Variants in GALNT18 observed in about 807,000 individuals in gnomAD.
The protein encoded by GALNT18 is GalNAc-transferase 18.
In GALNT18, 44 loss-of-function variants were observed where a neutral mutation model predicts 69.5. The observed-to-expected ratio is 0.63, with a 90% CI of 0.50 to 0.81. The LOEUF is 0.81. GALNT18 is among the 40% of genes least tolerant of loss of function. GALNT18 has a pLI of 0.00. For missense variants in GALNT18, 715 were observed against 810.0 expected (o/e 0.88, Z 1.42); for synonymous variants, 364 against 318.2 (o/e 1.14, Z -1.53).
At chr11:11,577,911 G>T (rs1363989795) in intron 1 of GALNT18, among the ~76,000 whole-genome samples, 6 of 152,214 alleles carry the variant, frequency 3.9e-5, no homozygotes, top group Non-Finnish European at 7.3e-5. Context: ...CAGATTGGCA[G>T]GGGCATTTGG....
chr11:11,351,770 T>A (rs1168863952), intron 6 of GALNT18, among the ~76,000 whole-genome samples: 1 of 151,936 alleles, frequency 6.6e-6, no homozygotes, highest in Non-Finnish European at 1.5e-5. Flanking sequence ...TCTTTTTTTT[T>A]TTTTTCAGCC....
rs967583459 is a variant in GALNT18, at chr11:11,606,846, CTCCTCAGGGTAG to C, written c.235+14501_235+14512del. 7.9e-5 allele frequency among the ~76,000 whole-genome samples: 12 copies of C among 152,188 alleles called. No homozygotes were observed. The highest frequency in any genetic ancestry group is 1.3e-4 in the Non-Finnish European group (9 of 68,024). On this transcript the variant is annotated intron_variant, in intron 1 of 10. Coordinates refer to ENST00000227756, the MANE Select transcript of GALNT18 (RefSeq NM_198516.3). This position sits in a 1 kb window ranked among gnomAD's most constrained non-coding sequence, Gnocchi z 5.4. ...CAGGGCCTCCAGGACCCAGTAGAGG[CTCCTCAGGGTAG>C]TCCTCAAGTTGCATTGGGTCTTGGA...
At chr11:11,277,531 T>G (rs11827630) in intron 10 of GALNT18, among the ~76,000 whole-genome samples, 80,517 of 151,856 alleles carry the variant, frequency 0.53, 21,870 homozygotes, top group Admixed American at 0.61. Flanking sequence ...GTTATTTCTT[T>G]CCTTCTGCCA....
intron 2 of GALNT18, among the ~76,000 whole-genome samples, chr11:11,447,254 C>T (rs548963420): frequency 7.5e-4 from 114 of 152,304 alleles, no homozygotes; most frequent in Admixed American, 2.0e-3. Flanking sequence ...GCTTCCTCTT[C>T]TCCTCCAGGT....
At chr11:11,449,338 C>T (rs542830548) in intron 1 of GALNT18, among the ~76,000 whole-genome samples, 1 of 152,312 alleles carries the variant, frequency 6.6e-6, no homozygotes, top group South Asian at 2.1e-4. Context: ...ATTCCCAAGC[C>T]CACCCCACAT....
At chr11:11,475,316 A>G (rs1038786830) in intron 1 of GALNT18, 13 of 152,236 alleles carry the variant, frequency 8.5e-5, no homozygotes, top group Non-Finnish European at 1.0e-4. Flanking sequence ...GGCTGTTAAC[A>G]TCTACTTTCC....
chr11:11,360,199 T>C (rs1332530342), intron 6 of GALNT18, among the ~76,000 whole-genome samples: 2 of 152,196 alleles, frequency 1.3e-5, no homozygotes, highest in African/African-American at 2.4e-5. Flanking sequence ...AGGTCAATGT[T>C]GACAGGTCAA....
chr11:11,271,029 T>C lies in GALNT18; in HGVS notation c.*115A>G. On this transcript the variant is annotated 3_prime_UTR_variant, in exon 11 of 11. Coordinates refer to ENST00000227756, the MANE Select transcript of GALNT18 (RefSeq NM_198516.3). The stretch of plus-strand genomic sequence containing the variant: ...TGAATAGGAAATAAAAAGCTCTTCT[T>C]GGGGGCCCACTAACCTGGTTCCCCA... The C allele has an allele frequency of 1.2e-6, 1 of 850,296 alleles. No homozygotes were observed. The allele number at this position is 850,296 out of a possible 1,614,324, so 52.7% of individuals were successfully genotyped here.
Position 11,534,335 on chromosome 11 carries a change from G to A in GALNT18, c.236-85399C>T, listed in dbSNP as rs61229214. Among the ~76,000 whole-genome samples the A allele has an allele frequency of 8.4e-3, 1,287 of 152,324 alleles. 21 individuals carry two copies. Among genetic ancestry groups the A allele is most frequent in the African/African-American group, 0.029 (1,224 of 41,566 alleles). On this transcript the variant is annotated intron_variant, in intron 1 of 10. Transcript: ENST00000227756. The stretch of plus-strand genomic sequence containing the variant: ...GAACCCTCTGAAGGAGGAAGTATTA[G>A]CCCATGGTAGGCATAATATGAAAGG...
intron 1 of GALNT18, among the ~76,000 whole-genome samples, chr11:11,557,311 C>T (rs936544493): frequency 6.6e-5 from 10 of 152,090 alleles, no homozygotes; most frequent in African/African-American, 2.2e-4. Flanking sequence ...AGGTAGTACC[C>T]GCATTTTTAA....
chr11:11,453,546 T>C (rs1399784715), intron 1 of GALNT18, among the ~76,000 whole-genome samples: 1 of 152,220 alleles, frequency 6.6e-6, no homozygotes, highest in African/African-American at 2.4e-5. Flanking sequence ...TAGTCTCTGA[T>C]ATGGTTTGGC....
At chr11:11,571,321 CCT>C (rs1254889093) in intron 1 of GALNT18, among the ~76,000 whole-genome samples, 1 of 152,170 alleles carries the variant, frequency 6.6e-6, no homozygotes, top group African/African-American at 2.4e-5. Context: ...AGAATCAACC[CCT>C]GACTTTGTGT....
chr11:11,296,184 G>C (rs376006571), intron 9 of GALNT18, among the ~76,000 whole-genome samples: 1 of 152,106 alleles, frequency 6.6e-6, no homozygotes, highest in Non-Finnish European at 1.5e-5. Context: ...AAGCCATGCC[G>C]CATTAGGGAA....
At chr11:11,409,170 T>A (rs897689518) in intron 3 of GALNT18, among the ~76,000 whole-genome samples, 5 of 152,194 alleles carry the variant, frequency 3.3e-5, no homozygotes, top group African/African-American at 1.2e-4. Context: ...GGCTGGTGGC[T>A]GGTGGCCTTC....
In GALNT18 at chr11:11,444,877, C is replaced by T. The variant is rs781613230; in HGVS notation, c.428+3867G>A. 5.3e-5 allele frequency among the ~76,000 whole-genome samples: 8 copies of T among 152,132 alleles called. No homozygotes were observed. Among genetic ancestry groups the T allele is most frequent in the Non-Finnish European group, 8.8e-5 (6 of 68,026 alleles). On this transcript the variant is annotated intron_variant, in intron 2 of 10. Coordinates refer to ENST00000227756, the MANE Select transcript of GALNT18 (RefSeq NM_198516.3). The surrounding 1 kb of genome is among the most constrained non-coding windows in gnomAD (Gnocchi z 4.4). ...GAATTCACAAGAGGCACAGGGGCTC[C>T]GGCTATGGCAAGAGCCACACAGCAT...
chr11:11,582,034 T>C lies in GALNT18; in HGVS notation c.235+39325A>G, dbSNP rs181132606. 4.7e-4 allele frequency among the ~76,000 whole-genome samples: 71 copies of C among 151,966 alleles called. No homozygotes were observed. The highest frequency in any genetic ancestry group is 1.6e-3 in the African/African-American group (67 of 41,434). ...GTAATCTAGTATTTCCTAGTATACA[T>C]GAGGTTCCATGTATACTGTGTATTA... On this transcript the variant is annotated intron_variant, in intron 1 of 10. Coordinates refer to ENST00000227756, the MANE Select transcript of GALNT18 (RefSeq NM_198516.3). The surrounding 1 kb of genome is among the most constrained non-coding windows in gnomAD (Gnocchi z 5.0).
chr11:11,393,021 T>C (rs1854231732), intron 3 of GALNT18, among the ~76,000 whole-genome samples: 1 of 152,202 alleles, frequency 6.6e-6, no homozygotes, highest in South Asian at 2.1e-4. Flanking sequence ...AGGGGGTCAC[T>C]GAAACCAACA....
chr11:11,285,282 A>C (rs1849172004), intron 10 of GALNT18, among the ~76,000 whole-genome samples: 1 of 152,184 alleles, frequency 6.6e-6, no homozygotes, highest in Non-Finnish European at 1.5e-5. Flanking sequence ...TTTTTGACAA[A>C]TGACTTAATC....
At chr11:11,397,904 C>T (rs1350783855) in intron 3 of GALNT18, among the ~76,000 whole-genome samples, 1 of 152,202 alleles carries the variant, frequency 6.6e-6, no homozygotes, top group African/African-American at 2.4e-5. Context: ...CAATGGCATA[C>T]TGTATGAGAT....
Sources: allele counts gnomAD v4.1 joint callset (sites outside exome capture counted in the v4.1 genomes callset), GRCh38; gene constraint gnomAD v4.1.1; non-coding constraint Gnocchi (gnomAD v3.1); transcripts MANE v1.5; gene names NCBI Gene and HGNC (gene_info 2026-07-23, HGNC 2026-07-21).